Variants in GALNTL6 observed in about 807,000 individuals in gnomAD.
The protein encoded by GALNTL6 is polypeptide N-acetylgalactosaminyltransferase like 6.
A neutral mutation model predicts 73.7 loss-of-function variants in GALNTL6; 46 were observed. The ratio of observed to expected loss-of-function variants is 0.62; its 90% CI spans 0.49 to 0.80. GALNTL6 has a LOEUF of 0.80. GALNTL6 is among the 30% of genes least tolerant of loss of function. The probability of loss-of-function intolerance (pLI) is 0.00; values close to 1 mark genes in which losing one functional copy is unlikely to be tolerated. For missense variants in GALNTL6, 604 were observed against 755.0 expected (o/e 0.80, Z 2.34); for synonymous variants, 259 against 263.7 (o/e 0.98, Z 0.17).
chr4:172,994,603 T>A (rs527475659), intron 10 of GALNTL6, among the ~76,000 whole-genome samples: 1 of 152,324 alleles, frequency 6.6e-6, no homozygotes, highest in East Asian at 1.9e-4. Flanking sequence ...AAGAGCCAAG[T>A]CATCTCTTTT....
chr4:172,049,702 A>C (rs903832842), intron 2 of GALNTL6, among the ~76,000 whole-genome samples: 1 of 151,944 alleles, frequency 6.6e-6, no homozygotes, highest in Non-Finnish European at 1.5e-5. Flanking sequence ...ATGCAGGCTC[A>C]GCCTGGCGCA....
chr4:173,014,994 T>C (rs1227935359), intron 11 of GALNTL6, among the ~76,000 whole-genome samples: 1 of 152,234 alleles, frequency 6.6e-6, no homozygotes, highest in South Asian at 2.1e-4. Flanking sequence ...ACCTTCATGC[T>C]GTTTTCCTGA....
chr4:172,154,547 A>G (rs1734197280), intron 2 of GALNTL6, among the ~76,000 whole-genome samples: 2 of 152,080 alleles, frequency 1.3e-5, no homozygotes. Context: ...TTTTAAAACT[A>G]TTTTTTATAC....
intron 2 of GALNTL6, among the ~76,000 whole-genome samples, chr4:172,103,949 C>CTTT (rs369503993): frequency 7.1e-6 from 1 of 141,494 alleles, no homozygotes. Context: ...TTCTTTTTCT[C>CTTT]TTTTTTTTTT....
chr4:172,796,502 G>T (rs760509467), intron 5 of GALNTL6, among the ~76,000 whole-genome samples: 5 of 152,144 alleles, frequency 3.3e-5, no homozygotes, highest in Non-Finnish European at 7.3e-5. Flanking sequence ...TTATTATTAT[G>T]TCCATATATT....
chr4:172,845,818 G>A (rs1462246644), intron 7 of GALNTL6, among the ~76,000 whole-genome samples: 1 of 152,166 alleles, frequency 6.6e-6, no homozygotes, highest in Non-Finnish European at 1.5e-5. Flanking sequence ...TACAGGTGAG[G>A]CAGGTAAGTT....
chr4:171,842,285 A>G (rs2110844986), intron 2 of GALNTL6, among the ~76,000 whole-genome samples: 2 of 152,288 alleles, frequency 1.3e-5, no homozygotes, highest in East Asian at 3.9e-4. Flanking sequence ...TAAAATTTTT[A>G]GTTGTTACAT....
intron 2 of GALNTL6, among the ~76,000 whole-genome samples, chr4:172,120,494 G>C (rs1045882807): frequency 1.3e-5 from 2 of 151,824 alleles, no homozygotes; most frequent in African/African-American, 4.8e-5. Context: ...AGGACCCTTG[G>C]ATAATTCAGA....
At chr4:172,103,837 G>A (rs986051304) in intron 2 of GALNTL6, among the ~76,000 whole-genome samples, 3 of 152,168 alleles carry the variant, frequency 2.0e-5, no homozygotes, top group African/African-American at 7.2e-5. Flanking sequence ...CTAGCCAGTT[G>A]GCATTAGCCT....
intron 7 of GALNTL6, among the ~76,000 whole-genome samples, chr4:172,836,127 C>G (rs561675694): frequency 6.6e-6 from 1 of 152,316 alleles, no homozygotes; most frequent in East Asian, 1.9e-4. Flanking sequence ...GATCTCTATT[C>G]CAGTCCCAAT....
intron 3 of GALNTL6, among the ~76,000 whole-genome samples, chr4:172,253,932 G>A (rs1737968095): frequency 2.0e-5 from 3 of 151,736 alleles, no homozygotes; most frequent in Non-Finnish European, 4.4e-5. Flanking sequence ...ATTTGAATGA[G>A]TTTCTGTTTA....
At position 172,736,809 on chromosome 4, in the gene GALNTL6, C is replaced by T. The variant is rs563969891; in HGVS notation, c.554-72552C>T. Among the ~76,000 whole-genome samples, 132 of 152,302 alleles carry T rather than the reference C, an allele frequency of 8.7e-4. 2 individuals carry two copies. The South Asian group carries it at 0.016, about 18-fold the overall frequency. On this transcript the variant is annotated intron_variant, in intron 5 of 12. Transcript: ENST00000506823. ...TGTGGCTTCAGCTGGTCCCTCCATT[C>T]GGGGTCCCTGACTTCCCGCAATAGT...
At chr4:172,567,263 C>A (rs910807119) in intron 5 of GALNTL6, among the ~76,000 whole-genome samples, 4 of 151,858 alleles carry the variant, frequency 2.6e-5, no homozygotes, top group African/African-American at 9.7e-5. Context: ...GAGAGGCATG[C>A]AAATATCTGA....
chr4:172,128,976 A>G (rs796633085), intron 2 of GALNTL6, among the ~76,000 whole-genome samples: 3 of 152,222 alleles, frequency 2.0e-5, no homozygotes, highest in African/African-American at 7.2e-5. Flanking sequence ...TTATCTAGTT[A>G]TTTCCTTTTA....
chr4:172,244,856 T>A (rs1031950156), intron 3 of GALNTL6, among the ~76,000 whole-genome samples: 2 of 152,210 alleles, frequency 1.3e-5, no homozygotes, highest in African/African-American at 2.4e-5. Context: ...CCCCAAATCT[T>A]TTTTCCTCTT....
Position 172,800,332 on chromosome 4 carries a change from TAG to T in GALNTL6, c.554-9025_554-9024del, listed in dbSNP as rs1740564983. Among the ~76,000 whole-genome samples the T allele has an allele frequency of 2.0e-5, 3 of 152,162 alleles. No individual in the cohort carries two copies. The South Asian group carries it at 6.2e-4, about 31-fold the overall frequency. The stretch of plus-strand genomic sequence containing the variant: ...AATGAAGAAGTGATCTAAAATAAGT[TAG>T]AGATTTGTTCTCCTATATCAACATT... On this transcript the variant is annotated intron_variant, in intron 5 of 12. Coordinates refer to ENST00000506823, the MANE Select transcript of GALNTL6 (RefSeq NM_001034845.3).
intron 5 of GALNTL6, among the ~76,000 whole-genome samples, chr4:172,639,947 A>T (rs908562426): frequency 2.0e-5 from 3 of 151,936 alleles, no homozygotes; most frequent in African/African-American, 7.3e-5. Flanking sequence ...CTTACATTTT[A>T]TTATTCCTGT....
chr4:172,259,595 C>T (rs1419846363), intron 3 of GALNTL6, among the ~76,000 whole-genome samples: 1 of 151,518 alleles, frequency 6.6e-6, no homozygotes, highest in African/African-American at 2.4e-5. Flanking sequence ...TTTTGCTATA[C>T]AGAAGCTTTT....
intron 2 of GALNTL6, among the ~76,000 whole-genome samples, chr4:172,113,340 C>T (rs1188602577): frequency 6.6e-6 from 1 of 151,916 alleles, no homozygotes; most frequent in African/African-American, 2.4e-5. Flanking sequence ...AGGGTATAAA[C>T]ACCTGAAAAT....
Sources: allele counts gnomAD v4.1 joint callset (sites outside exome capture counted in the v4.1 genomes callset), GRCh38; gene constraint gnomAD v4.1.1; transcripts MANE v1.5; gene names NCBI Gene and HGNC (gene_info 2026-07-23, HGNC 2026-07-21).